Variants in TMTC3 observed in about 807,000 individuals in gnomAD.
TMTC3 encodes the protein protein O-mannosyl-transferase TMTC3.
TMTC3 carries 52 observed loss-of-function variants against 92.2 expected under a neutral mutation model. The observed-to-expected ratio is 0.56, with a 90% CI of 0.45 to 0.71. The LOEUF is 0.71. Ranked by LOEUF, TMTC3 falls within the 30% of genes least tolerant of loss-of-function variation. The pLI is 0.00. For synonymous variants in TMTC3, 339 were observed against 363.3 expected, an observed-to-expected ratio of 0.93 and a Z score of 0.76; for missense variants, 896 against 1,057.1, an observed-to-expected ratio of 0.85 and a Z score of 2.11.
chr12:88,145,327 A>G (rs772771013), intron 1 of TMTC3, among the ~76,000 whole-genome samples: 2 of 152,174 alleles, frequency 1.3e-5, no homozygotes, highest in Admixed American at 6.5e-5. Context: ...GAAGACAAGT[A>G]TCTGCTTGCT....
At chr12:88,185,690 G>A (rs1057206993) in intron 10 of TMTC3, among the ~76,000 whole-genome samples, 2 of 152,192 alleles carry the variant, frequency 1.3e-5, no homozygotes, top group Non-Finnish European at 2.9e-5. Flanking sequence ...TTTCCCACCA[G>A]CAGTATAGGA....
intron 1 of TMTC3, among the ~76,000 whole-genome samples, chr12:88,143,736 G>T (rs567597740): frequency 1.3e-5 from 2 of 152,160 alleles, no homozygotes; most frequent in East Asian, 3.9e-4. Context: ...TTCTGGAAAG[G>T]TGTTCTGATC....
At position 88,195,215 on chromosome 12, in the gene TMTC3, G is replaced by A; in HGVS notation, c.2311G>A (p.Val771Met). ...GATTTTGGAGATGGATCCAAGCAAT[G>A]TGCAAGGAAAACACAATCTTTGTGT... is the stretch of plus-strand genomic sequence containing the variant. ...ERILEMDPSN[V>M]QGKHNLCVVY... is the part of the protein sequence containing the mutation. Residue 771 changes from valine (V) to methionine (M), a missense_variant, in exon 14 of 14, where the codon GTG becomes ATG. Physicochemically the swap from Val to Met is conservative, Grantham distance 21 (BLOSUM62 1). Coordinates refer to ENST00000266712, the MANE Select transcript of TMTC3 (RefSeq NM_181783.4). The A allele has an allele frequency of 1.9e-6, 3 of 1,613,854 alleles. No individual in the cohort carries two copies. The highest frequency in any genetic ancestry group is 1.1e-5 in the South Asian group (1 of 91,084).
At chr12:88,151,689 C>T (rs2040944895) in intron 2 of TMTC3, among the ~76,000 whole-genome samples, 1 of 152,152 alleles carries the variant, frequency 6.6e-6, no homozygotes, top group Non-Finnish European at 1.5e-5. Flanking sequence ...TACATATTCC[C>T]TTCTACTTTC....
At chr12:88,149,431 A>C (rs1007951437) in intron 2 of TMTC3, among the ~76,000 whole-genome samples, 1 of 152,196 alleles carries the variant, frequency 6.6e-6, no homozygotes, top group Non-Finnish European at 1.5e-5. Flanking sequence ...TTCCTTTCCA[A>C]AATAAAAAAG....
intron 13 of TMTC3, 118 bp from the exon 14 acceptor site, chr12:88,194,720 A>G (rs1592754171): frequency 4.3e-6 from 3 of 694,430 alleles, no homozygotes; most frequent in South Asian, 9.4e-5. Flanking sequence ...TTTTTTAACT[A>G]TGGAAATTAG....
chr12:88,160,997 A>T, intron 6 of TMTC3, 146 bp downstream of exon 6: 1 of 782,366 alleles, frequency 1.3e-6, no homozygotes, highest in South Asian at 2.0e-5. Flanking sequence ...CATATATTTA[A>T]AATTTATGTA....
intron 2 of TMTC3, among the ~76,000 whole-genome samples, chr12:88,151,405 C>T (rs1400973508): frequency 6.6e-6 from 1 of 152,042 alleles, no homozygotes; most frequent in African/African-American, 2.4e-5. Flanking sequence ...TTTTTATTGC[C>T]AACTAATATC....
chr12:88,148,438 C>T lies in TMTC3; in HGVS notation c.123C>T (p.Asp41=). Residue 41 remains aspartate, a synonymous_variant, in exon 2 of 14, where the codon GAC becomes GAT. Transcript: ENST00000266712. The stretch of plus-strand genomic sequence containing the variant: ...TTTCAGCAATACTGGATAACAAAGA[C>T]TTGCATCCATCTACACCTTTAAAAA... ...DDVSAILDNK[D]LHPSTPLKTL... 2.5e-6 allele frequency: 4 copies of T among 1,613,272 alleles called. No individual in the cohort carries two copies. The highest frequency in any genetic ancestry group is 3.4e-6 in the Non-Finnish European group (4 of 1,179,602).
intron 2 of TMTC3, among the ~76,000 whole-genome samples, chr12:88,152,098 C>T (rs1361143039): frequency 2.0e-5 from 3 of 152,066 alleles, no homozygotes; most frequent in Admixed American, 6.6e-5. Context: ...AATATGGATG[C>T]GTATATTAGT....
chr12:88,185,435 G>C (rs971536382), intron 10 of TMTC3, among the ~76,000 whole-genome samples: 4 of 151,578 alleles, frequency 2.6e-5, no homozygotes, highest in African/African-American at 7.3e-5. Context: ...TGGTATGGCT[G>C]AGTAGTATTC....
chr12:88,183,909 C>T (rs1375375417), intron 10 of TMTC3, among the ~76,000 whole-genome samples: 1 of 152,124 alleles, frequency 6.6e-6, no homozygotes, highest in Non-Finnish European at 1.5e-5. Context: ...GAAACCCTAG[C>T]CTGAACAATT....
In TMTC3 at chr12:88,148,421, A is replaced by G. The variant is rs1305943085; in HGVS notation, c.106A>G (p.Ile36Val). 2 of 1,613,534 alleles carry G rather than the reference A, an allele frequency of 1.2e-6. No individual in the cohort carries two copies. The highest frequency in any genetic ancestry group is 1.7e-5 in the Admixed American group (1 of 59,978). The change falls in exon 2 of 14, where the codon ATA becomes GTA. Residue 36 changes from isoleucine (I) to valine (V), a missense_variant. Physicochemically the swap from Ile to Val is conservative, Grantham distance 29. Transcript: ENST00000266712. Reference protein sequence around the residue: ...CGFVFDDVSAILDNKDLHPST... With the variant: ...CGFVFDDVSAVLDNKDLHPST... ...TTTTGTTTTTGATGATGTTTCAGCA[A>G]TACTGGATAACAAAGACTTGCATCC...
rs1193727392 is a variant in TMTC3 at position 88,195,262 on chromosome 12, CTT to C, written c.2359_2360del (p.Leu787IlefsTer4). ...LCVVYFEEKD[L>X]LKAERCLLET... is the part of the protein sequence containing the mutation. ...GTGTTGTTTATTTTGAAGAAAAAGACTTATTAAAAGCTGAAAGATGCCTTCTT... is the reference window on the plus strand; with the variant it reads ...GTGTTGTTTATTTTGAAGAAAAAGACATTAAAAGCTGAAAGATGCCTTCTT... On this transcript the variant is annotated frameshift_variant, in exon 14 of 14. Transcript: ENST00000266712. LOFTEE classifies it high-confidence loss of function. The C allele has an allele frequency of 1.2e-6, 2 of 1,613,674 alleles. No individual in the cohort carries two copies. The highest frequency in any genetic ancestry group is 1.7e-6 in the Non-Finnish European group (2 of 1,179,888).
At chr12:88,158,059 A>T (rs992539016) in intron 4 of TMTC3, among the ~76,000 whole-genome samples, 3 of 152,154 alleles carry the variant, frequency 2.0e-5, no homozygotes, top group African/African-American at 4.8e-5. Context: ...GTTACTTTTT[A>T]AAAAATACCT....
intron 6 of TMTC3, among the ~76,000 whole-genome samples, chr12:88,164,791 A>C (rs985106376): frequency 6.6e-6 from 1 of 152,174 alleles, no homozygotes; most frequent in Non-Finnish European, 1.5e-5. Context: ...GGGTAGAATA[A>C]ATTTTATTCA....
chr12:88,159,834 C>A lies in TMTC3; in HGVS notation c.509-280C>A, dbSNP rs536697153. On this transcript the variant is annotated intron_variant, in intron 4 of 13. Coordinates refer to ENST00000266712, the MANE Select transcript of TMTC3 (RefSeq NM_181783.4). ...ATGACACACAAACCTGTAAATTTCT[C>A]TTCTCCAAATTCACCACCCTACCTT... is the stretch of plus-strand genomic sequence containing the variant. 1.5e-3 allele frequency among the ~76,000 whole-genome samples: 230 copies of A among 152,168 alleles called. 1 individual carries two copies. The highest frequency in any genetic ancestry group is 5.3e-3 in the African/African-American group (222 of 41,542).
rs571793598 is a variant in TMTC3, at chr12:88,185,559, T to C, written c.1433-3284T>C. Among the ~76,000 whole-genome samples, 22 of 152,234 alleles carry C rather than the reference T, an allele frequency of 1.4e-4. 2 individuals are homozygous for C. The South Asian group carries it at 4.4e-3, about 30-fold the overall frequency. On this transcript the variant is annotated intron_variant, in intron 10 of 13. Transcript: ENST00000266712. The stretch of plus-strand genomic sequence containing the variant: ...GCTGTTACGAACATTCATATACCAG[T>C]CTTTATGGATATATGTTTTCATTTC...
chr12:88,159,135 A>G (rs1173557030), intron 4 of TMTC3, among the ~76,000 whole-genome samples: 2 of 151,762 alleles, frequency 1.3e-5, no homozygotes, highest in East Asian at 3.9e-4. Flanking sequence ...TTTAAACTAG[A>G]AAAGAATTAG....
Sources: allele counts gnomAD v4.1 joint callset (sites outside exome capture counted in the v4.1 genomes callset), GRCh38; gene constraint gnomAD v4.1.1; transcripts MANE v1.5; gene names NCBI Gene and HGNC (gene_info 2026-07-23, HGNC 2026-07-21).